ZNF385D: variants seen among roughly 807,000 people sequenced by gnomAD.
ZNF385D encodes the protein zinc finger protein 659.
In ZNF385D, 15 loss-of-function variants were observed where a neutral mutation model predicts 35.8. That is an observed-to-expected ratio of 0.42 (90% CI 0.28 to 0.64). The LOEUF is 0.64. Among genes scored for constraint, ZNF385D ranks in the 30% least tolerant of loss-of-function variants. ZNF385D has a pLI of 0.23. For missense variants in ZNF385D, 474 were observed against 494.6 expected, an observed-to-expected ratio of 0.96 and a Z score of 0.39; for synonymous variants, 212 against 186.8, an observed-to-expected ratio of 1.13 and a Z score of -1.10.
intron 3 of ZNF385D, among the ~76,000 whole-genome samples, chr3:22,122,062 A>T (rs1703116360): frequency 6.6e-6 from 1 of 152,132 alleles, no homozygotes; most frequent in Admixed American, 6.6e-5. Context: ...CACTAGAGCA[A>T]CATGCACAAA....
At chr3:21,626,897 A>G (rs1458555915) in intron 2 of ZNF385D, among the ~76,000 whole-genome samples, 2 of 152,050 alleles carry the variant, frequency 1.3e-5, no homozygotes, top group Admixed American at 6.6e-5. Context: ...AATGCACATC[A>G]ATGTGTGGTC....
intron 2 of ZNF385D, among the ~76,000 whole-genome samples, chr3:22,176,200 T>TGC (rs1448344971): frequency 6.6e-6 from 1 of 151,244 alleles, no homozygotes; most frequent in African/African-American, 2.4e-5. Context: ...GCTTCAGTGG[T>TGC]GTGTGTGTGT....
chr3:21,646,492 CTAA>C lies in ZNF385D; in HGVS notation c.165+18391_165+18393del, dbSNP rs1176148485. On this transcript the variant is annotated intron_variant, in intron 2 of 7. Coordinates refer to ENST00000281523, the MANE Select transcript of ZNF385D (RefSeq NM_024697.3). This position sits in a 1 kb window ranked among gnomAD's most constrained non-coding sequence, Gnocchi z 4.3. Reference sequence around the variant, plus strand: ...CAAAGGTAAGCTACAAATTCAAAAACTAATAACCACAGACTATTTTCAGTAGTA... The same window carrying C: ...CAAAGGTAAGCTACAAATTCAAAAACTAACCACAGACTATTTTCAGTAGTA... Among the ~76,000 whole-genome samples, 1 of 152,196 alleles carries C rather than the reference CTAA, an allele frequency of 6.6e-6. No individual in the cohort carries two copies. Among genetic ancestry groups the C allele is most frequent in the African/African-American group, 2.4e-5 (1 of 41,440 alleles).
intron 3 of ZNF385D, among the ~76,000 whole-genome samples, chr3:22,017,089 C>A (rs961926006): frequency 1.3e-5 from 2 of 151,924 alleles, no homozygotes; most frequent in Non-Finnish European, 2.9e-5. Flanking sequence ...GAGTATTAGA[C>A]ACCAGTGTAT....
intron 3 of ZNF385D, among the ~76,000 whole-genome samples, chr3:22,036,749 A>C (rs1459056216): frequency 6.7e-6 from 1 of 149,180 alleles, no homozygotes; most frequent in Non-Finnish European, 1.5e-5. Flanking sequence ...TTTAGGGTAC[A>C]TGTGCACAAC....
intron 1 of ZNF385D, among the ~76,000 whole-genome samples, chr3:21,747,908 G>A (rs1357769645): frequency 1.3e-5 from 2 of 152,098 alleles, no homozygotes; most frequent in Non-Finnish European, 2.9e-5. Flanking sequence ...AACATTGATG[G>A]GGGTGGGAGG....
chr3:21,438,676 A>G (rs2125239062), intron 4 of ZNF385D, among the ~76,000 whole-genome samples: 1 of 152,226 alleles, frequency 6.6e-6, no homozygotes, highest in African/African-American at 2.4e-5. Flanking sequence ...CACTTCACAC[A>G]CTTTCAATCA....
chr3:21,487,323 A>G (rs1425338269), intron 4 of ZNF385D, among the ~76,000 whole-genome samples: 1 of 151,836 alleles, frequency 6.6e-6, no homozygotes, highest in Non-Finnish European at 1.5e-5. Flanking sequence ...GTTCACAATT[A>G]GTTACTTTTG....
chr3:22,254,744 C>CT (rs1421883550), intron 2 of ZNF385D, among the ~76,000 whole-genome samples: 4 of 151,800 alleles, frequency 2.6e-5, no homozygotes, highest in African/African-American at 4.8e-5. Context: ...AGCATTACTT[C>CT]TGTCGGCATG....
chr3:22,211,360 C>CA (rs922183685), intron 2 of ZNF385D, among the ~76,000 whole-genome samples: 2 of 151,874 alleles, frequency 1.3e-5, no homozygotes, highest in African/African-American at 4.8e-5. Context: ...CCCATCTTTT[C>CA]AAAAAATCTA....
At chr3:21,555,638 A>G (rs2062708381) in intron 3 of ZNF385D, among the ~76,000 whole-genome samples, 1 of 152,062 alleles carries the variant, frequency 6.6e-6, no homozygotes, top group Admixed American at 6.6e-5. Flanking sequence ...GTTGGTTCCA[A>G]GTCTTTGCTA....
chr3:21,744,281 T>A (rs1413700654), intron 1 of ZNF385D, among the ~76,000 whole-genome samples: 1 of 152,244 alleles, frequency 6.6e-6, no homozygotes, highest in Non-Finnish European at 1.5e-5. Context: ...TATACAAGTG[T>A]AAGGGATCAT....
chr3:22,366,012 A>G (rs1190709119), intron 2 of ZNF385D, among the ~76,000 whole-genome samples: 1 of 152,128 alleles, frequency 6.6e-6, no homozygotes, highest in Non-Finnish European at 1.5e-5. Flanking sequence ...CAGAAACAAT[A>G]GATTCTTAAA....
intron 3 of ZNF385D, among the ~76,000 whole-genome samples, chr3:21,856,121 A>T: frequency 6.6e-6 from 1 of 152,078 alleles, no homozygotes. Flanking sequence ...GAGAGGAGAA[A>T]TTTTTTTCTT....
chr3:22,082,120 G>C (rs1456029626), intron 3 of ZNF385D, among the ~76,000 whole-genome samples: 3 of 148,548 alleles, frequency 2.0e-5, no homozygotes, highest in Admixed American at 1.4e-4. Context: ...CTGGTCTGCA[G>C]CTCCCAGAGT....
intron 2 of ZNF385D, among the ~76,000 whole-genome samples, chr3:22,317,749 C>G (rs1354904847): frequency 6.6e-6 from 1 of 152,142 alleles, no homozygotes; most frequent in African/African-American, 2.4e-5. Flanking sequence ...AAATTTGCAT[C>G]ACTTTTCAGC....
At chr3:21,793,867 A>G (rs975409195) in intron 3 of ZNF385D, among the ~76,000 whole-genome samples, 3 of 152,204 alleles carry the variant, frequency 2.0e-5, no homozygotes, top group African/African-American at 7.2e-5. Flanking sequence ...CATTCTCAGG[A>G]CAAGTCAGAT....
At chr3:21,431,141 G>GA (rs1435473899) in intron 5 of ZNF385D, 3 of 152,038 alleles carry the variant, frequency 2.0e-5, no homozygotes, top group Non-Finnish European at 2.9e-5. Flanking sequence ...GCATAGACAG[G>GA]AAAAATGACC....
intron 3 of ZNF385D, among the ~76,000 whole-genome samples, chr3:21,787,435 T>C (rs1407705199): frequency 6.6e-6 from 1 of 152,122 alleles, no homozygotes; most frequent in Non-Finnish European, 1.5e-5. Context: ...TAAATGGGAA[T>C]ACCCACCCCT....
Sources: gnomAD v4.1 joint callset for allele counts (sites outside exome capture counted in the v4.1 genomes callset) on GRCh38, gnomAD v4.1.1 for gene constraint, Gnocchi (gnomAD v3.1) non-coding constraint, MANE v1.5 for transcripts, NCBI Gene and HGNC (gene_info 2026-07-23, HGNC 2026-07-21) for gene names.